The following RGSL1 variants were observed in gnomAD, a reference collection of about 807,000 sequenced individuals.
RGSL1 encodes the protein regulator of G protein signaling like 1.
A neutral mutation model predicts 124.7 loss-of-function variants in RGSL1; 97 were observed. The ratio of observed to expected loss-of-function variants is 0.78; its 90% CI spans 0.66 to 0.92. The LOEUF (loss-of-function observed/expected upper bound fraction) is 0.92. Among genes scored for constraint, RGSL1 ranks in the 40% least tolerant of loss-of-function variants. The pLI is 0.00. For synonymous variants in RGSL1, 424 were observed against 438.1 expected (o/e 0.97, Z 0.40); for missense variants, 1,233 against 1,288.4 (o/e 0.96, Z 0.66).
chr1:182,483,790 G>A (rs1654888744), intron 6 of RGSL1, among the ~76,000 whole-genome samples: 1 of 152,156 alleles, frequency 6.6e-6, no homozygotes, highest in Admixed American at 6.5e-5. Flanking sequence ...GATGTAGGCT[G>A]CCCACAGAGC....
chr1:182,496,033 A>G (rs1321007545), intron 9 of RGSL1, among the ~76,000 whole-genome samples: 2 of 152,208 alleles, frequency 1.3e-5, no homozygotes, highest in African/African-American at 2.4e-5. Flanking sequence ...TAAAGAAAAG[A>G]TATTTAATTT....
In RGSL1 at chr1:182,556,092, T is replaced by TGC; in HGVS notation, c.*35_*36insGC. 1 of 1,540,940 alleles carries TGC rather than the reference T, an allele frequency of 6.5e-7. No homozygotes were observed. Among genetic ancestry groups the TGC allele is most frequent in the Non-Finnish European group, 8.8e-7 (1 of 1,137,918 alleles). On this transcript the variant is annotated 3_prime_UTR_variant, in exon 21 of 22. Transcript: ENST00000294854. ...ACCCCCAGCAGAGATAAATCATCTC[T>TGC]TAGAGGCCTCCTAACACTGACAGAA...
chr1:182,509,513 G>T (rs1384068610), intron 9 of RGSL1, among the ~76,000 whole-genome samples: 1 of 88,128 alleles, frequency 1.1e-5, no homozygotes, highest in Non-Finnish European at 2.4e-5. Context: ...CCTCCCTCCC[G>T]GACGGGGCAG....
intron 17 of RGSL1, 189 bp downstream of exon 17, chr1:182,549,013 G>A (rs909062395): frequency 1.6e-6 from 1 of 638,194 alleles, no homozygotes; most frequent in Admixed American, 3.4e-5. Flanking sequence ...TGAATCCACA[G>A]ATGGAAGGCA....
intron 9 of RGSL1, among the ~76,000 whole-genome samples, chr1:182,500,653 GTCT>G (rs1656279940): frequency 6.6e-6 from 1 of 151,984 alleles, no homozygotes; most frequent in African/African-American, 2.4e-5. Context: ...TTTTCTTTAA[GTCT>G]TCTTTAATTT....
intron 17 of RGSL1, chr1:182,550,784 T>G: frequency 3.8e-6 from 1 of 266,430 alleles, no homozygotes; most frequent in Non-Finnish European, 7.0e-6. Flanking sequence ...GATGCTGGGG[T>G]GCACCCCAGG....
At chr1:182,508,546 G>A (rs1273441125) in intron 9 of RGSL1, among the ~76,000 whole-genome samples, 2 of 151,626 alleles carry the variant, frequency 1.3e-5, no homozygotes, top group Non-Finnish European at 2.9e-5. Flanking sequence ...TGATCCACCC[G>A]CCTCAGCCTC....
chr1:182,530,754 T>C, intron 12 of RGSL1, 36 bp from the exon 13 acceptor site: 1 of 1,493,402 alleles, frequency 6.7e-7, no homozygotes, highest in Non-Finnish European at 8.9e-7. Context: ...TGCCAGGTTT[T>C]TGCCCTGTTT....
intron 2 of RGSL1, among the ~76,000 whole-genome samples, chr1:182,457,016 G>A (rs745507453): frequency 1.3e-4 from 20 of 152,154 alleles, no homozygotes; most frequent in Admixed American, 3.3e-4. Flanking sequence ...GTATGGTGGC[G>A]CATGCCTGTA....
intron 4 of RGSL1, among the ~76,000 whole-genome samples, chr1:182,467,883 A>T (rs1465950641): frequency 6.6e-6 from 1 of 152,236 alleles, no homozygotes; most frequent in Admixed American, 6.5e-5. Flanking sequence ...CAAAGGGCTA[A>T]TATCCAGAAT....
At chr1:182,465,714 G>A (rs1420842390) in intron 4 of RGSL1, among the ~76,000 whole-genome samples, 1 of 151,986 alleles carries the variant, frequency 6.6e-6, no homozygotes, top group Non-Finnish European at 1.5e-5. Flanking sequence ...TGGTTTTACT[G>A]GTGACTTATA....
chr1:182,528,387 C>T (rs576322601), intron 11 of RGSL1, among the ~76,000 whole-genome samples: 1 of 152,320 alleles, frequency 6.6e-6, no homozygotes, highest in South Asian at 2.1e-4. Context: ...TCATGCCCTT[C>T]CAACATTCCG....
intron 15 of RGSL1, among the ~76,000 whole-genome samples, chr1:182,542,992 G>A (rs1038860290): frequency 6.6e-6 from 1 of 152,086 alleles, no homozygotes; most frequent in African/African-American, 2.4e-5. Flanking sequence ...TATGTCAGCT[G>A]TGAACAAGGC....
chr1:182,513,101 C>T (rs975565959), intron 9 of RGSL1, among the ~76,000 whole-genome samples: 1 of 152,240 alleles, frequency 6.6e-6, no homozygotes, highest in African/African-American at 2.4e-5. Context: ...AGGGGTGGGG[C>T]CTTTGCCAGG....
chr1:182,464,522 G>T (rs544019155), intron 4 of RGSL1, among the ~76,000 whole-genome samples: 1 of 152,038 alleles, frequency 6.6e-6, no homozygotes, highest in Admixed American at 6.6e-5. Context: ...TCAGGAGCTC[G>T]AGACCAGCCT....
At chr1:182,511,416 G>A (rs540232233) in intron 9 of RGSL1, among the ~76,000 whole-genome samples, 29 of 152,204 alleles carry the variant, frequency 1.9e-4, no homozygotes, top group African/African-American at 6.3e-4. Context: ...TGCCCGTCTC[G>A]GCTTCCCTAA....
At position 182,473,589 on chromosome 1, in the gene RGSL1, C is replaced by T. The variant is rs1484250147; in HGVS notation, c.478C>T (p.Leu160Phe). Reference protein sequence around the residue: ...CNMNIKSLLNLSIWHPNQSTT... With the variant: ...CNMNIKSLLNFSIWHPNQSTT... ...ATTATTTCCAGAGTCCCTCCTGAAC[C>T]TCTCCATCTGGCATCCCAACCAATC... The change falls in exon 6 of 22, where the codon CTC becomes TTC. Residue 160 changes from leucine (L) to phenylalanine (F), a missense_variant. By Grantham distance (22) the Leu-to-Phe change is conservative (BLOSUM62 0). Transcript: ENST00000294854. 2.6e-6 allele frequency: 4 copies of T among 1,545,532 alleles called. No individual in the cohort carries two copies. Among genetic ancestry groups the T allele is most frequent in the Non-Finnish European group, 3.5e-6 (4 of 1,144,048 alleles).
At chr1:182,529,811 T>C (rs1659030616) in intron 11 of RGSL1, among the ~76,000 whole-genome samples, 1 of 152,144 alleles carries the variant, frequency 6.6e-6, no homozygotes, top group Non-Finnish European at 1.5e-5. Context: ...TCAAGTCTCA[T>C]TAATGAACAC....
chr1:182,493,136 G>T lies in RGSL1; in HGVS notation c.1825+7G>T. ...GAGAAAGCACCTAAAATAGGCAAGTGTTTAAAATCAGGGATAGACGAGGCA... is the reference window on the plus strand; with the variant it reads ...GAGAAAGCACCTAAAATAGGCAAGTTTTTAAAATCAGGGATAGACGAGGCA... On this transcript the variant is annotated splice_region_variant and intron_variant, in intron 9 of 21. Coordinates refer to ENST00000294854, the MANE Select transcript of RGSL1 (RefSeq NM_001137669.2). The T allele has an allele frequency of 6.5e-7, 1 of 1,527,896 alleles. No individual in the cohort carries two copies. The highest frequency in any genetic ancestry group is 2.5e-5 in the East Asian group (1 of 40,788). The allele number at this position is 1,527,896 out of a possible 1,614,324, so 94.6% of individuals were successfully genotyped here. A position where few individuals can be genotyped will look rare whatever the true frequency, so the allele number is the denominator to read the frequency against.
Sources: gnomAD v4.1 joint callset for allele counts (sites outside exome capture counted in the v4.1 genomes callset) on GRCh38, gnomAD v4.1.1 for gene constraint, MANE v1.5 for transcripts, NCBI Gene and HGNC (gene_info 2026-07-23, HGNC 2026-07-21) for gene names.